The following SH2D3C variants were observed in gnomAD, a reference collection of about 807,000 sequenced individuals.
SH2D3C encodes the protein SH2 domain containing 3C, also known as SH2 domain-containing protein 3C.
In SH2D3C, 25 loss-of-function variants were observed where a neutral mutation model predicts 75.2. That is an observed-to-expected ratio of 0.33 (90% CI 0.24 to 0.46). The LOEUF (loss-of-function observed/expected upper bound fraction) is 0.46, where lower values mean the gene tolerates loss of function less well. Ranked by LOEUF, SH2D3C falls within the 20% of genes least tolerant of loss-of-function variation. The pLI, the probability that SH2D3C is intolerant of heterozygous loss-of-function variation, is 1.00. For synonymous variants in SH2D3C, 450 were observed against 473.7 expected (o/e 0.95, Z 0.65); for missense variants, 933 against 1,165.3 (o/e 0.80, Z 2.90).
intron 2 of SH2D3C, 68 bp from the exon 3 acceptor site, chr9:127,761,718 TG>T: frequency 7.2e-7 from 1 of 1,398,186 alleles, no homozygotes; most frequent in South Asian, 1.2e-5. Context: ...GTCTCTTGCC[TG>T]CCTGCCTGGG....
Position 127,767,265 on chromosome 9 carries a change from T to C in SH2D3C, c.516-5615A>G, listed in dbSNP as rs866707296. The C allele has an allele frequency of 1.4e-5, 21 of 1,454,596 alleles. No individual in the cohort carries two copies. The African/African-American group carries it at 2.0e-4, about 14-fold the overall frequency. 90.1% of individuals were successfully genotyped at this position (1,454,596 alleles called of 1,614,324 possible). A position where few individuals can be genotyped will look rare whatever the true frequency, so the allele number is the denominator to read the frequency against. ...GGCCCTGACAGCTGCCACCCAAGTCTCAAAACCTGCCAAAGAAGAGAGAAA... is the reference window on the plus strand; with the variant it reads ...GGCCCTGACAGCTGCCACCCAAGTCCCAAAACCTGCCAAAGAAGAGAGAAA... On this transcript the variant is annotated intron_variant, in intron 2 of 11. Coordinates refer to ENST00000314830, the MANE Select transcript of SH2D3C (RefSeq NM_170600.3).
intron 1 of SH2D3C, among the ~76,000 whole-genome samples, chr9:127,777,911 G>A (rs1429889363): frequency 6.6e-6 from 1 of 150,842 alleles, no homozygotes; most frequent in African/African-American, 2.4e-5. Context: ...CCAGGAGATC[G>A]AGACCAGCCT....
Position 127,751,176 on chromosome 9 carries a change from C to T in SH2D3C, c.680G>A (p.Arg227Gln), listed in dbSNP as rs771621637. 1.3e-5 allele frequency: 21 copies of T among 1,613,648 alleles called. No individual in the cohort carries two copies. Among genetic ancestry groups the T allele is most frequent in the African/African-American group, 6.7e-5 (5 of 74,916 alleles). Residue 227 changes from arginine to glutamine, a missense_variant, in exon 4 of 12, where the codon CGA becomes CAA. Transcript: ENST00000314830. The surrounding 1 kb of genome is among the most constrained non-coding windows in gnomAD (Gnocchi z 4.1). Reference sequence around the variant, plus strand: ...TCCAGCTCGGGGCCTACTCACCTCTCGGGGGATGCGGCCATGGTACCAGGC... The same window carrying T: ...TCCAGCTCGGGGCCTACTCACCTCTTGGGGGATGCGGCCATGGTACCAGGC... ...SHAWYHGRIP[R>Q]EVSETLVQRN...
intron 3 of SH2D3C, chr9:127,755,061 G>A (rs1845333054): frequency 1.6e-5 from 19 of 1,174,018 alleles, no homozygotes; most frequent in East Asian, 7.4e-5. Flanking sequence ...CGTGGCGGGG[G>A]CCGAGCCGCC....
rs564614846 is a variant in SH2D3C, at chr9:127,771,287, C to T, written c.515+2703G>A. ...GACCTCCTAAACCCAGCGGCTCCTGCCTTTCTCGGGCCACTGAGCTGCAGA... is the reference window on the plus strand; with the variant it reads ...GACCTCCTAAACCCAGCGGCTCCTGTCTTTCTCGGGCCACTGAGCTGCAGA... On this transcript the variant is annotated intron_variant, in intron 2 of 11. Transcript: ENST00000314830. 1.6e-4 allele frequency: 249 copies of T among 1,514,668 alleles called. No homozygotes were observed. In the African/African-American group the frequency reaches 3.1e-3, roughly 19 times the overall value. The allele number at this position is 1,514,668 out of a possible 1,614,324, so 93.8% of individuals were successfully genotyped here.
intron 1 of SH2D3C, among the ~76,000 whole-genome samples, chr9:127,776,504 G>A (rs1482334967): frequency 6.6e-6 from 1 of 152,132 alleles, no homozygotes; most frequent in Non-Finnish European, 1.5e-5. Flanking sequence ...TTCTGCGGGG[G>A]TGTATGTGAG....
Position 127,745,093 on chromosome 9 carries a change from C to T in SH2D3C, c.1271G>A (p.Arg424His), listed in dbSNP as rs560290474. Reference sequence around the variant, plus strand: ...AGGGGCTGCAGGGGCGGCATGGACACGGGTTACTGCAGAAAGGTAGAGAGA... The same window carrying T: ...AGGGGCTGCAGGGGCGGCATGGACATGGGTTACTGCAGAAAGGTAGAGAGA... ...PSSPAYSTVT[R>H]VHAAPAAPSA... The change falls in exon 7 of 12, where the codon CGT becomes CAT. Residue 424 changes from arginine to histidine, a missense_variant. Physicochemically the swap from Arg to His is conservative, Grantham distance 29. Coordinates refer to ENST00000314830, the MANE Select transcript of SH2D3C (RefSeq NM_170600.3). 1.8e-5 allele frequency: 27 copies of T among 1,500,070 alleles called. No homozygotes were observed. Among genetic ancestry groups the T allele is most frequent in the South Asian group, 8.3e-5 (6 of 72,604 alleles). The allele number at this position is 1,500,070 out of a possible 1,614,324, so 92.9% of individuals were successfully genotyped here. A position where few individuals can be genotyped will look rare whatever the true frequency, so the allele number is the denominator to read the frequency against.
rs1037432164 is a variant in SH2D3C at position 127,767,256 on chromosome 9, A to G, written c.516-5606T>C. ...AGGATGCTGGGCCCTGACAGCTGCC[A>G]CCCAAGTCTCAAAACCTGCCAAAGA... On this transcript the variant is annotated intron_variant, in intron 2 of 11. Coordinates refer to ENST00000314830, the MANE Select transcript of SH2D3C (RefSeq NM_170600.3). The G allele has an allele frequency of 4.8e-6, 7 of 1,461,958 alleles. No individual in the cohort carries two copies. The East Asian group carries it at 1.5e-4, about 31-fold the overall frequency. The allele number at this position is 1,461,958 out of a possible 1,614,324, so 90.6% of individuals were successfully genotyped here. A position where few individuals can be genotyped will look rare whatever the true frequency, so the allele number is the denominator to read the frequency against.
chr9:127,777,377 G>T (rs1353176284), intron 1 of SH2D3C, among the ~76,000 whole-genome samples: 1 of 152,038 alleles, frequency 6.6e-6, no homozygotes, highest in African/African-American at 2.4e-5. Context: ...CACTGCTGTT[G>T]GGAATGTGAG....
chr9:127,761,706 C>T (rs1172872980), intron 2 of SH2D3C, 56 bp from the exon 3 acceptor site: 44 of 1,494,046 alleles, frequency 2.9e-5, no homozygotes, highest in Admixed American at 6.8e-5. Context: ...CCCCAGCTGC[C>T]GGTCTCTTGC....
intron 7 of SH2D3C, among the ~76,000 whole-genome samples, chr9:127,744,072 C>CTTTATGTGCT (rs1554795378): frequency 7.0e-5 from 8 of 114,570 alleles, no homozygotes; most frequent in Non-Finnish European, 1.2e-4. Context: ...ATCTTATGTG[C>CTTTATGTGCT]TTTTTTTTTT....
intron 3 of SH2D3C, among the ~76,000 whole-genome samples, chr9:127,756,192 C>T (rs935118166): frequency 1.3e-5 from 2 of 152,206 alleles, no homozygotes; most frequent in Non-Finnish European, 2.9e-5. Context: ...ATCCCAGCTA[C>T]TCAGGAGGCT....
At chr9:127,769,283 C>T (rs1424226350) in intron 2 of SH2D3C, among the ~76,000 whole-genome samples, 1 of 152,214 alleles carries the variant, frequency 6.6e-6, no homozygotes, top group Non-Finnish European at 1.5e-5. Context: ...TCACAAAAAT[C>T]TCAACATCTT....
chr9:127,754,703 G>A lies in SH2D3C; in HGVS notation c.556-3403C>T, dbSNP rs1168678024. The A allele has an allele frequency of 2.7e-6, 1 of 367,740 alleles. No homozygotes were observed. Among genetic ancestry groups the A allele is most frequent in the African/African-American group, 2.2e-5 (1 of 46,314 alleles). 22.8% of individuals were successfully genotyped at this position (367,740 alleles called of 1,614,324 possible). On this transcript the variant is annotated intron_variant, in intron 3 of 11. Coordinates refer to ENST00000314830, the MANE Select transcript of SH2D3C (RefSeq NM_170600.3). This position sits in a 1 kb window ranked among gnomAD's most constrained non-coding sequence, Gnocchi z 4.4. ...CCCAGTCCGGCGCCCCCGGTACAAT[G>A]GGGAGCCAGGGTGCCCAGGTCAGCC...
At chr9:127,763,682 TG>T in intron 2 of SH2D3C, among the ~76,000 whole-genome samples, 1 of 152,274 alleles carries the variant, frequency 6.6e-6, no homozygotes, top group Non-Finnish European at 1.5e-5. Context: ...AGTCAAATAT[TG>T]GACCTCCTCC....
intron 3 of SH2D3C, among the ~76,000 whole-genome samples, chr9:127,758,886 C>T (rs756342278): frequency 8.5e-5 from 13 of 152,352 alleles, no homozygotes; most frequent in African/African-American, 1.4e-4. Flanking sequence ...GGTGAGGGGG[C>T]AGCAATCTGA....
At chr9:127,761,538 C>A in intron 3 of SH2D3C, 73 bp downstream of exon 3, 1 of 1,110,198 alleles carries the variant, frequency 9.0e-7, no homozygotes. Flanking sequence ...AGGAAGGGCT[C>A]TGCCCACCCG....
chr9:127,760,437 G>C (rs4836576), intron 3 of SH2D3C, among the ~76,000 whole-genome samples: 2 of 151,922 alleles, frequency 1.3e-5, no homozygotes, highest in African/African-American at 4.8e-5. Context: ...TCACCATTAA[G>C]AGTATGTGGT....
At position 127,754,682 on chromosome 9, in the gene SH2D3C, G is replaced by C. The variant is rs1016066467; in HGVS notation, c.556-3382C>G. 1.1e-4 allele frequency among the ~76,000 whole-genome samples: 17 copies of C among 152,228 alleles called. No homozygotes were observed. The highest frequency in any genetic ancestry group is 4.1e-4 in the African/African-American group (17 of 41,560). ...CTCCTCACTCAGTCTTCAGATCCCA[G>C]TCCGGCGCCCCCGGTACAATGGGGA... On this transcript the variant is annotated intron_variant, in intron 3 of 11. Transcript: ENST00000314830. This position sits in a 1 kb window ranked among gnomAD's most constrained non-coding sequence, Gnocchi z 4.4.
Sources: gnomAD v4.1 joint callset for allele counts (sites outside exome capture counted in the v4.1 genomes callset) on GRCh38, gnomAD v4.1.1 for gene constraint, Gnocchi (gnomAD v3.1) non-coding constraint, MANE v1.5 for transcripts, NCBI Gene and HGNC (gene_info 2026-07-23, HGNC 2026-07-21) for gene names.